Variants in CNTN4 observed in about 807,000 individuals in gnomAD.
The protein encoded by CNTN4 is contactin-4.
Under a neutral mutation model 122.5 loss-of-function variants are expected in CNTN4, and 77 were observed. That is an observed-to-expected ratio of 0.63 (90% CI 0.52 to 0.76). The LOEUF is 0.76. Among genes scored for constraint, CNTN4 ranks in the 30% least tolerant of loss-of-function variants. The pLI, the probability that CNTN4 is intolerant of heterozygous loss-of-function variation, is 0.00. For missense variants in CNTN4, 1,256 were observed against 1,259.1 expected (o/e 1.00, Z 0.04); for synonymous variants, 512 against 447.0 (o/e 1.15, Z -1.83).
chr3:2,660,264 A>C (rs1283777521), intron 4 of CNTN4, among the ~76,000 whole-genome samples: 1 of 152,234 alleles, frequency 6.6e-6, no homozygotes, highest in African/African-American at 2.4e-5. Context: ...TTTTTAAAAA[A>C]AGAAATAGAG....
intron 7 of CNTN4, among the ~76,000 whole-genome samples, chr3:2,836,745 TG>T (rs1191361604): frequency 1.5e-5 from 2 of 132,176 alleles, no homozygotes; most frequent in Non-Finnish European, 3.1e-5. Context: ...AAAAACATAA[TG>T]AAGAGTAAAA....
At chr3:3,028,657 T>C (rs1698928523) in intron 15 of CNTN4, among the ~76,000 whole-genome samples, 1 of 152,178 alleles carries the variant, frequency 6.6e-6, no homozygotes, top group Non-Finnish European at 1.5e-5. Context: ...CCCTGGGGCA[T>C]ATTTTTTATT....
chr3:2,808,509 C>T (rs1259732708), intron 6 of CNTN4, among the ~76,000 whole-genome samples: 1 of 151,958 alleles, frequency 6.6e-6, no homozygotes, highest in African/African-American at 2.4e-5. Context: ...ATAAGTCTAT[C>T]AGTTATAAAA....
In CNTN4 at chr3:2,737,773, G is replaced by A. The variant is rs1263323642; in HGVS notation, c.182+1432G>A. 2.6e-5 allele frequency among the ~76,000 whole-genome samples: 4 copies of A among 152,138 alleles called. No homozygotes were observed. In the East Asian group the frequency reaches 7.7e-4, roughly 29 times the overall value. On this transcript the variant is annotated intron_variant, in intron 5 of 24. Transcript: ENST00000418658. ...CAACCCACAGGAGAATCCAACATGA[G>A]AACATCTCCCAGAATAAACCTGGGA...
intron 3 of CNTN4, among the ~76,000 whole-genome samples, chr3:2,505,461 T>G (rs1227110713): frequency 6.6e-6 from 1 of 152,236 alleles, no homozygotes; most frequent in African/African-American, 2.4e-5. Flanking sequence ...CCAAACTTAA[T>G]TACATTTTAT....
intron 3 of CNTN4, among the ~76,000 whole-genome samples, chr3:2,388,855 C>A (rs1282439355): frequency 6.6e-6 from 1 of 150,628 alleles, no homozygotes; most frequent in African/African-American, 2.4e-5. Flanking sequence ...AAACAAAAAA[C>A]AAACAAACAA....
intron 6 of CNTN4, among the ~76,000 whole-genome samples, chr3:2,817,550 A>G (rs1471474928): frequency 6.6e-6 from 1 of 152,240 alleles, no homozygotes; most frequent in Non-Finnish European, 1.5e-5. Flanking sequence ...AGGAAAAAAC[A>G]TGAATACAGT....
At chr3:2,258,865 T>C (rs1037928603) in intron 2 of CNTN4, among the ~76,000 whole-genome samples, 3 of 152,154 alleles carry the variant, frequency 2.0e-5, no homozygotes, top group African/African-American at 4.8e-5. Flanking sequence ...CAGAAAACTT[T>C]TCCATCTTGT....
At chr3:2,213,907 A>T (rs1468392650) in intron 2 of CNTN4, among the ~76,000 whole-genome samples, 1 of 152,172 alleles carries the variant, frequency 6.6e-6, no homozygotes, top group Non-Finnish European at 1.5e-5. Flanking sequence ...ACAAACCACG[A>T]TGGGCTCATT....
intron 4 of CNTN4, among the ~76,000 whole-genome samples, chr3:2,660,208 T>C (rs1199860223): frequency 8.2e-6 from 1 of 122,648 alleles, no homozygotes; most frequent in African/African-American, 4.1e-5. Context: ...TAAGAGATGG[T>C]TTATAAATGA....
intron 2 of CNTN4, among the ~76,000 whole-genome samples, chr3:2,108,729 A>T (rs2032685072): frequency 6.6e-6 from 1 of 152,214 alleles, no homozygotes; most frequent in African/African-American, 2.4e-5. Flanking sequence ...ATTAAAAGAC[A>T]TCATAAATTA....
At chr3:2,655,237 G>A (rs1235304452) in intron 4 of CNTN4, among the ~76,000 whole-genome samples, 2 of 152,170 alleles carry the variant, frequency 1.3e-5, no homozygotes, top group East Asian at 3.9e-4. Context: ...TCTGAAGAAA[G>A]TTCAGGAATG....
In CNTN4 at chr3:2,745,697, T is replaced by C. The variant is rs199862180; in HGVS notation, c.358T>C (p.Tyr120His). The change falls in exon 6 of 25, where the codon TAT becomes CAT. Residue 120 changes from tyrosine (Y) to histidine (H), a missense_variant and splice_region_variant. Tyr to His is a moderately conservative substitution (Grantham distance 83). Coordinates refer to ENST00000418658, the MANE Select transcript of CNTN4 (RefSeq NM_175607.3). ...CAGAGAAGCAAAGCTTCAGTTTGCT[T>C]GTAAGTAGCAATTATACAATGCTGC... is the stretch of plus-strand genomic sequence containing the variant. ...VSREAKLQFA[Y>H]LDNFKTRTRS... 2.5e-6 allele frequency: 4 copies of C among 1,613,964 alleles called. No individual in the cohort carries two copies.
intron 2 of CNTN4, among the ~76,000 whole-genome samples, chr3:2,278,922 C>G (rs1047304968): frequency 6.6e-6 from 1 of 151,850 alleles, no homozygotes; most frequent in African/African-American, 2.4e-5. Flanking sequence ...TTATACCACA[C>G]TGTTACTAAG....
At chr3:2,182,367 A>G (rs1187100472) in intron 2 of CNTN4, among the ~76,000 whole-genome samples, 4 of 152,122 alleles carry the variant, frequency 2.6e-5, no homozygotes, top group Non-Finnish European at 5.9e-5. Flanking sequence ...CACTAATTGA[A>G]TTGAGATGAT....
chr3:2,328,316 G>A (rs541053862), intron 2 of CNTN4, among the ~76,000 whole-genome samples: 48 of 150,726 alleles, frequency 3.2e-4, no homozygotes, highest in African/African-American at 1.1e-3. Flanking sequence ...TGAGGCAGGA[G>A]AATGGCGGGA....
intron 13 of CNTN4, among the ~76,000 whole-genome samples, chr3:2,940,980 T>C (rs2094609827): frequency 6.6e-6 from 1 of 152,156 alleles, no homozygotes; most frequent in Admixed American, 6.5e-5. Context: ...AGGGTTTTAT[T>C]CCAAAAGAGG....
intron 12 of CNTN4, among the ~76,000 whole-genome samples, chr3:2,917,726 C>T (rs900967598): frequency 5.1e-4 from 77 of 152,158 alleles, no homozygotes; most frequent in Admixed American, 9.2e-4. Flanking sequence ...CCTTTCTTAC[C>T]CATTCTTAAG....
intron 2 of CNTN4, among the ~76,000 whole-genome samples, chr3:2,330,840 C>T (rs182141955): frequency 2.6e-5 from 4 of 152,184 alleles, no homozygotes; most frequent in Admixed American, 1.3e-4. Context: ...TTCACAGAAA[C>T]GTAGGTACTG....
Sources: gnomAD v4.1 joint callset for allele counts (sites outside exome capture counted in the v4.1 genomes callset) on GRCh38, gnomAD v4.1.1 for gene constraint, MANE v1.5 for transcripts, NCBI Gene and HGNC (gene_info 2026-07-23, HGNC 2026-07-21) for gene names.